CDC42SE2: variants seen among roughly 807,000 people sequenced by gnomAD.
CDC42SE2 encodes the protein CDC42 small effector protein 2.
CDC42SE2 carries 3 observed loss-of-function variants against 11.5 expected under a neutral mutation model. The ratio of observed to expected loss-of-function variants is 0.26; its 90% CI spans 0.12 to 0.67. The LOEUF (loss-of-function observed/expected upper bound fraction) is 0.67, where lower values mean the gene tolerates loss of function less well. Ranked by LOEUF, CDC42SE2 falls within the 30% of genes least tolerant of loss-of-function variation. The pLI, the probability that CDC42SE2 is intolerant of heterozygous loss-of-function variation, is 0.80. For synonymous variants in CDC42SE2, 33 were observed against 34.8 expected (o/e 0.95, Z 0.18); for missense variants, 82 against 106.8 (o/e 0.77, Z 1.02).
At chr5:131,259,968 C>T (rs1054358543), upstream of CDC42SE2, among the ~76,000 whole-genome samples, 1 of 152,210 alleles carries the variant, frequency 6.6e-6, no homozygotes, top group Non-Finnish European at 1.5e-5. Flanking sequence ...CTCATACCAT[C>T]CCATTTGGGG....
intron 2 of CDC42SE2, among the ~76,000 whole-genome samples, chr5:131,328,834 G>A (rs558238630): frequency 6.6e-6 from 1 of 152,226 alleles, no homozygotes; most frequent in Non-Finnish European, 1.5e-5. Context: ...AGGTCAAATA[G>A]CCGCCACCTG....
chr5:131,256,244 T>TCC (rs1441213340), intron 2 of CDC42SE2, among the ~76,000 whole-genome samples: 1 of 152,216 alleles, frequency 6.6e-6, no homozygotes, highest in East Asian at 1.9e-4. Context: ...TCCCATGGTT[T>TCC]CCCTCCCCTG....
intron 4 of CDC42SE2, among the ~76,000 whole-genome samples, chr5:131,388,547 ATTC>A (rs1024721189): frequency 2.0e-5 from 3 of 152,018 alleles, no homozygotes; most frequent in African/African-American, 7.2e-5. Flanking sequence ...TAAATATATT[ATTC>A]TTCTACCTTT....
chr5:131,275,008 A>C (rs1757072707), intron 1 of CDC42SE2, among the ~76,000 whole-genome samples: 1 of 152,226 alleles, frequency 6.6e-6, no homozygotes, highest in Non-Finnish European at 1.5e-5. Context: ...TGTAAGAATT[A>C]AGTAGAAACA....
In CDC42SE2 at chr5:131,350,607, TTGTGTG is replaced by T. The variant is rs753402237; in HGVS notation, c.-285-8576_-285-8571del. Among the ~76,000 whole-genome samples, 1,270 of 141,776 alleles carry T rather than the reference TTGTGTG, an allele frequency of 9.0e-3. 17 individuals are homozygous for T. Among genetic ancestry groups the T allele is most frequent in the African/African-American group, 0.031 (1,120 of 36,496 alleles). 93.0% of individuals were successfully genotyped at this position (141,776 alleles called of 152,430 possible). ...TAAAAGTGATACAACAAAATTTATT[TTGTGTG>T]TGTGTGTGTGTGTGTGTGTGTGTGT... On this transcript the variant is annotated intron_variant, in intron 2 of 4. Transcript: ENST00000505065.
the CDC42SE2 span, among the ~76,000 whole-genome samples, chr5:131,216,509 A>AAAAAAAC: frequency 0.012 from 1,638 of 133,222 alleles, 70 homozygotes; most frequent in African/African-American, 0.043. Context: ...CTCAAAAAAA[A>AAAAAAAC]AAAAAAAAAA....
At chr5:131,264,350 C>T (rs1371125927) in intron 1 of CDC42SE2, among the ~76,000 whole-genome samples, 184 bp downstream of exon 1, 1 of 152,142 alleles carries the variant, frequency 6.6e-6, no homozygotes, top group Non-Finnish European at 1.5e-5. Context: ...CAGGTTTGGG[C>T]GAGGTCCTCA....
upstream of CDC42SE2, among the ~76,000 whole-genome samples, chr5:131,244,531 T>G (rs547955994): frequency 6.6e-6 from 1 of 152,148 alleles, no homozygotes; most frequent in Admixed American, 6.5e-5. Context: ...GCCAACAGGG[T>G]GAAACCCTGT....
At chr5:131,277,440 C>T (rs1757126569) in intron 1 of CDC42SE2, among the ~76,000 whole-genome samples, 1 of 152,182 alleles carries the variant, frequency 6.6e-6, no homozygotes, top group South Asian at 2.1e-4. Flanking sequence ...TGACATTATG[C>T]CTTCATTTAT....
At chr5:131,269,521 C>T (rs1356318114) in intron 1 of CDC42SE2, among the ~76,000 whole-genome samples, 4 of 152,058 alleles carry the variant, frequency 2.6e-5, no homozygotes, top group Non-Finnish European at 4.4e-5. Flanking sequence ...GTAATCCCAG[C>T]ACTTTGGGTG....
chr5:131,336,800 G>A (rs946994808), intron 2 of CDC42SE2, among the ~76,000 whole-genome samples: 1 of 152,170 alleles, frequency 6.6e-6, no homozygotes, highest in African/African-American at 2.4e-5. Flanking sequence ...CATAGTCCTT[G>A]TGCTGTGGTT....
intron 1 of CDC42SE2, among the ~76,000 whole-genome samples, chr5:131,251,929 C>G (rs939400423): frequency 6.6e-6 from 1 of 151,942 alleles, no homozygotes; most frequent in African/African-American, 2.4e-5. Flanking sequence ...GCAGGAGGAT[C>G]GCTTGAGCCT....
intron 1 of CDC42SE2, among the ~76,000 whole-genome samples, chr5:131,313,720 A>G (rs1346129009): frequency 6.6e-6 from 1 of 152,194 alleles, no homozygotes; most frequent in African/African-American, 2.4e-5. Flanking sequence ...TAGCTTTATA[A>G]TAAACCTTGA....
At chr5:131,354,818 A>G (rs1294437525) in intron 2 of CDC42SE2, 2 of 152,174 alleles carry the variant, frequency 1.3e-5, no homozygotes, top group African/African-American at 4.8e-5. Context: ...TCCAAAGTCC[A>G]AAACGTAAAA....
At chr5:131,268,039 A>C (rs1010904207) in intron 1 of CDC42SE2, among the ~76,000 whole-genome samples, 1 of 146,802 alleles carries the variant, frequency 6.8e-6, no homozygotes, top group Non-Finnish European at 1.5e-5. Flanking sequence ...AGAGAAGTAC[A>C]TGTACATGCT....
intron 1 of CDC42SE2, among the ~76,000 whole-genome samples, chr5:131,264,498 C>A (rs899529882): frequency 6.6e-6 from 1 of 151,784 alleles, no homozygotes; most frequent in Non-Finnish European, 1.5e-5. Flanking sequence ...CAGACCCCCC[C>A]CCTCCCCCCA....
upstream of CDC42SE2, among the ~76,000 whole-genome samples, chr5:131,263,094 G>A (rs1411344588): frequency 6.4e-5 from 9 of 139,582 alleles, no homozygotes; most frequent in African/African-American, 2.8e-4. Flanking sequence ...CAACACACCA[G>A]GGTAATTTTT....
intron 2 of CDC42SE2, among the ~76,000 whole-genome samples, chr5:131,344,634 C>T (rs1050911993): frequency 6.6e-6 from 1 of 152,220 alleles, no homozygotes; most frequent in Non-Finnish European, 1.5e-5. Context: ...CCCTGTCTGA[C>T]AGCTCTGAAG....
At chr5:131,381,847 G>C (rs1750336701) in intron 3 of CDC42SE2, among the ~76,000 whole-genome samples, 1 of 152,086 alleles carries the variant, frequency 6.6e-6, no homozygotes, top group South Asian at 2.1e-4. Flanking sequence ...ATTGTTCTTG[G>C]GAGGATCACA....
Sources: allele counts gnomAD v4.1 joint callset (sites outside exome capture counted in the v4.1 genomes callset), GRCh38; gene constraint gnomAD v4.1.1; transcripts MANE v1.5; gene names NCBI Gene and HGNC (gene_info 2026-07-23, HGNC 2026-07-21).